The following ARHGAP23 variants were observed in gnomAD, a reference collection of about 807,000 sequenced individuals.
ARHGAP23 encodes the protein Rho GTPase activating protein 23, also known as rho GTPase-activating protein 23.
ARHGAP23 carries 34 observed loss-of-function variants against 136.3 expected under a neutral mutation model. The observed-to-expected ratio is 0.25, with a 90% CI of 0.19 to 0.33. The LOEUF is 0.33. Ranked by LOEUF, ARHGAP23 falls within the 10% of genes least tolerant of loss-of-function variation. The pLI is 1.00. For missense variants in ARHGAP23, 1,808 were observed against 2,139.0 expected (o/e 0.85, Z 3.05); for synonymous variants, 832 against 920.5 (o/e 0.90, Z 1.74).
At position 38,506,407 on chromosome 17, in the gene ARHGAP23, G is replaced by A. The variant is rs972692388; in HGVS notation, c.3448-3537G>A. Among the ~76,000 whole-genome samples, 16 of 152,176 alleles carry A rather than the reference G, an allele frequency of 1.1e-4. No individual in the cohort carries two copies. The East Asian group carries it at 1.7e-3, about 16-fold the overall frequency. On this transcript the variant is annotated intron_variant, in intron 23 of 23. Transcript: ENST00000622683. ...AGGCCTGCCCTGGGTGACCCTGCCC[G>A]GCTGTGAGATTAGAGCTTGAGGGCA...
Position 38,446,181 on chromosome 17 carries a change from A to AT in ARHGAP23, c.64-11898dup, listed in dbSNP as rs5820259. Reference sequence around the variant, plus strand: ...ATGTATGTGCCACCACACCTGGCTAATTTTTTTTTTTTTTTTTTTTTTTGG... The same window carrying AT: ...ATGTATGTGCCACCACACCTGGCTAATTTTTTTTTTTTTTTTTTTTTTTTGG... On this transcript the variant is annotated intron_variant, in intron 1 of 23. Transcript: ENST00000622683. Among the ~76,000 whole-genome samples, 125 of 99,592 alleles carry AT rather than the reference A, an allele frequency of 1.3e-3. 2 individuals carry two copies. Among genetic ancestry groups the AT allele is most frequent in the East Asian group, 2.2e-3 (8 of 3,576 alleles). 65.3% of individuals were successfully genotyped at this position (99,592 alleles called of 152,430 possible).
chr17:38,482,488 C>T, intron 15 of ARHGAP23, 35 bp from the exon 16 acceptor site: 1 of 1,513,760 alleles, frequency 6.6e-7, no homozygotes, highest in African/African-American at 1.4e-5. Flanking sequence ...CCTCTGGCCC[C>T]TGTCCCCCCT....
chr17:38,473,256 C>A (rs1349001889), intron 11 of ARHGAP23, among the ~76,000 whole-genome samples: 1 of 151,882 alleles, frequency 6.6e-6, no homozygotes, highest in African/African-American at 2.4e-5. Context: ...GCCCAGCCCG[C>A]TTACTGCTAT....
At chr17:38,493,714 C>T (rs2040328913) in intron 20 of ARHGAP23, among the ~76,000 whole-genome samples, 1 of 152,198 alleles carries the variant, frequency 6.6e-6, no homozygotes. Flanking sequence ...ACTTGGGGTA[C>T]CCAGACCAGT....
At chr17:38,452,125 G>C (rs1272246602) in intron 1 of ARHGAP23, among the ~76,000 whole-genome samples, 1 of 151,272 alleles carries the variant, frequency 6.6e-6, no homozygotes, top group Admixed American at 6.6e-5. Flanking sequence ...CCTTGATCCC[G>C]ACCTCCCTCG....
At chr17:38,490,826 C>G (rs1354265063) in intron 19 of ARHGAP23, among the ~76,000 whole-genome samples, 1 of 152,192 alleles carries the variant, frequency 6.6e-6, no homozygotes, top group Non-Finnish European at 1.5e-5. Flanking sequence ...AGCTCAAGTC[C>G]CTCGCATTGC....
intron 1 of ARHGAP23, among the ~76,000 whole-genome samples, chr17:38,434,492 G>A (rs58544026): frequency 0.21 from 31,237 of 152,256 alleles, 7,949 homozygotes; most frequent in African/African-American, 0.6. Context: ...GGGGCGGGGC[G>A]TGGGGATGAC....
chr17:38,430,267 T>C (rs1309334518), intron 1 of ARHGAP23, among the ~76,000 whole-genome samples: 1 of 152,072 alleles, frequency 6.6e-6, no homozygotes, highest in African/African-American at 2.4e-5. Flanking sequence ...CCCAGGACAC[T>C]TGAGGGTAGT....
At chr17:38,432,354 CA>C (rs1740101359) in intron 1 of ARHGAP23, among the ~76,000 whole-genome samples, 1 of 151,758 alleles carries the variant, frequency 6.6e-6, no homozygotes, top group African/African-American at 2.4e-5. Flanking sequence ...CTGGGTGACA[CA>C]AGGAGACCCA....
chr17:38,439,517 C>T (rs1214946431), intron 1 of ARHGAP23, among the ~76,000 whole-genome samples: 3 of 152,172 alleles, frequency 2.0e-5, no homozygotes, highest in Non-Finnish European at 4.4e-5. Flanking sequence ...CTGCATTGCC[C>T]ACCAATAATA....
In ARHGAP23 at chr17:38,466,170, T is replaced by C; in HGVS notation, c.487T>C (p.Tyr163His). 6.7e-7 allele frequency: 1 copy of C among 1,496,648 alleles called. No homozygotes were observed. Among genetic ancestry groups the C allele is most frequent in the Non-Finnish European group, 9.0e-7 (1 of 1,115,596 alleles). The allele number at this position is 1,496,648 out of a possible 1,614,324, so 92.7% of individuals were successfully genotyped here. A position where few individuals can be genotyped will look rare whatever the true frequency, so the allele number is the denominator to read the frequency against. The change falls in exon 7 of 24, where the codon TAC (tyrosine) becomes CAC (histidine). Residue 163 changes from tyrosine to histidine, a missense_variant. Physicochemically the swap from Tyr to His is moderately conservative, Grantham distance 83. Coordinates refer to ENST00000622683, the MANE Select transcript of ARHGAP23 (RefSeq NM_001199417.2). ...PKDEDILQLA[Y>H]SQDAYLKGNE... ...CTGTCTCTGTGTCTCTGGCCAGGCC[T>C]ACTCCCAGGATGCCTACCTGAAAGG...
intron 11 of ARHGAP23, among the ~76,000 whole-genome samples, chr17:38,475,711 T>A (rs1359536836): frequency 6.6e-6 from 1 of 152,186 alleles, no homozygotes; most frequent in Non-Finnish European, 1.5e-5. Context: ...TCAACAAATA[T>A]TGATGAGCCC....
At position 38,466,663 on chromosome 17, in the gene ARHGAP23, G is replaced by T; in HGVS notation, c.980G>T (p.Arg327Leu). Residue 327 changes from arginine to leucine, a missense_variant, in exon 7 of 24, where the codon CGC becomes CTC. Around this residue, in one of 7 missense-constraint regions of ARHGAP23, gnomAD observed 859 missense variants for 936.4 expected, o/e 0.92. Coordinates refer to ENST00000622683, the MANE Select transcript of ARHGAP23 (RefSeq NM_001199417.2). ...CGGTTGGAGGAGGTGGCTGCCCCCC[G>T]CCCGTGGCCCTGCTCCACCTCCCAG... ...QDRLEEVAAP[R>L]PWPCSTSQDA... 6.6e-7 allele frequency: 1 copy of T among 1,511,802 alleles called. No individual in the cohort carries two copies. The highest frequency in any genetic ancestry group is 2.1e-5 in the Admixed American group (1 of 48,100). 93.6% of individuals were successfully genotyped at this position (1,511,802 alleles called of 1,614,324 possible). A position where few individuals can be genotyped will look rare whatever the true frequency, so the allele number is the denominator to read the frequency against.
intron 11 of ARHGAP23, among the ~76,000 whole-genome samples, chr17:38,473,763 G>T (rs1157222450): frequency 6.6e-6 from 1 of 152,164 alleles, no homozygotes; most frequent in Middle Eastern, 3.4e-3. Flanking sequence ...AGACAGTGGA[G>T]GGGCCTGACA....
chr17:38,425,451 A>G (rs1433867066), upstream of ARHGAP23, among the ~76,000 whole-genome samples: 9 of 152,270 alleles, frequency 5.9e-5, no homozygotes, highest in African/African-American at 2.2e-4. Context: ...TAGAGTCACA[A>G]CTGGAGGAGA....
intron 1 of ARHGAP23, among the ~76,000 whole-genome samples, chr17:38,436,840 G>A (rs940360015): frequency 7.2e-5 from 11 of 152,172 alleles, no homozygotes; most frequent in African/African-American, 7.2e-5. Context: ...CATGGTAATC[G>A]TTGGAAAGTG....
chr17:38,465,812 TTTGG>T (rs2039576706), intron 6 of ARHGAP23, among the ~76,000 whole-genome samples: 1 of 151,756 alleles, frequency 6.6e-6, no homozygotes, highest in African/African-American at 2.4e-5. Context: ...CCCGAGGAGC[TTTGG>T]GCATTGGTGG....
chr17:38,442,349 AGACCCCTCCT>A (rs1355038082), intron 1 of ARHGAP23, among the ~76,000 whole-genome samples: 4 of 152,152 alleles, frequency 2.6e-5, no homozygotes, highest in Non-Finnish European at 4.4e-5. Flanking sequence ...TGCCTCTGCC[AGACCCCTCCT>A]GGGGACAGGG....
intron 1 of ARHGAP23, among the ~76,000 whole-genome samples, chr17:38,422,693 C>A (rs2038531329): frequency 6.6e-6 from 1 of 152,192 alleles, no homozygotes; most frequent in Admixed American, 6.5e-5. Flanking sequence ...TCTGCGTAGG[C>A]CCCAGCTGCT....
Sources: gnomAD v4.1 joint callset for allele counts (sites outside exome capture counted in the v4.1 genomes callset) on GRCh38, gnomAD v4.1.1 for gene constraint, gnomAD v4.1.1 regional missense constraint, MANE v1.5 for transcripts, NCBI Gene and HGNC (gene_info 2026-07-23, HGNC 2026-07-21) for gene names.